The following DCTN1 variants were observed in gnomAD, a reference collection of about 807,000 sequenced individuals.
DCTN1 encodes 150 kDa dynein-associated polypeptide.
DCTN1 carries 61 observed loss-of-function variants against 161.2 expected under a neutral mutation model. The observed-to-expected ratio is 0.38, with a 90% CI of 0.31 to 0.47. The LOEUF is 0.47. Ranked by LOEUF, DCTN1 falls within the 20% of genes least tolerant of loss-of-function variation. The probability of loss-of-function intolerance (pLI) is 0.99; values close to 1 mark genes in which losing one functional copy is unlikely to be tolerated. For missense variants in DCTN1, 1,404 were observed against 1,623.7 expected (o/e 0.86, Z 2.33); for synonymous variants, 653 against 632.4 (o/e 1.03, Z -0.49).
At position 74,361,504 on chromosome 2, in the gene DCTN1, A is replaced by C. The variant is rs1216809770; in HGVS notation, c.3832T>G (p.Ser1278Ala). ...ACAGCAGGGGAAAGGAGTGCTTAGG[A>C]GATGAGGCGACTGTGAAGCTGGTGC... ...QLHQLHSRLIS is the reference protein window; with the variant it reads ...QLHQLHSRLIA The change falls in exon 32 of 32, where the codon TCC becomes GCC. Residue 1278 changes from serine to alanine, a missense_variant. By Grantham distance (99) the Ser-to-Ala change is moderately conservative (BLOSUM62 1). Coordinates refer to ENST00000628224, the MANE Select transcript of DCTN1 (RefSeq NM_004082.5). 6.2e-7 allele frequency: 1 copy of C among 1,614,106 alleles called. No homozygotes were observed. Among genetic ancestry groups the C allele is most frequent in the Non-Finnish European group, 8.5e-7 (1 of 1,180,004 alleles).
chr2:74,369,839 C>G lies in DCTN1; in HGVS notation c.1392+126G>C. Reference sequence around the variant, plus strand: ...CAGAAAAAAAAAAAAAAAAAAAAGGCAGGGTCAGGGTAGCAAGCCCAGGCT... The same window carrying G: ...CAGAAAAAAAAAAAAAAAAAAAAGGGAGGGTCAGGGTAGCAAGCCCAGGCT... On this transcript the variant is annotated intron_variant, in intron 13 of 31. Coordinates refer to ENST00000628224, the MANE Select transcript of DCTN1 (RefSeq NM_004082.5). The surrounding 1 kb of genome is among the most constrained non-coding windows in gnomAD (Gnocchi z 4.9). 1 of 793,916 alleles carries G rather than the reference C, an allele frequency of 1.3e-6. No homozygotes were observed. The highest frequency in any genetic ancestry group is 1.6e-5 in the South Asian group (1 of 61,388). 49.2% of individuals were successfully genotyped at this position (793,916 alleles called of 1,614,324 possible). A position where few individuals can be genotyped will look rare whatever the true frequency, so the allele number is the denominator to read the frequency against.
intron 21 of DCTN1, 73 bp downstream of exon 21, chr2:74,366,710 T>A (rs776373786): frequency 6.2e-7 from 1 of 1,614,192 alleles, no homozygotes. Flanking sequence ...CCTAACCAGA[T>A]CCAGATCTTC....
intron 4 of DCTN1, 138 bp downstream of exon 4, chr2:74,377,294 T>A: frequency 1.3e-6 from 1 of 783,400 alleles, no homozygotes. Flanking sequence ...CCAGAAAGCC[T>A]CCTTCTTAGG....
At chr2:74,363,989 T>G (rs1674216416) in intron 26 of DCTN1, 5 of 375,700 alleles carry the variant, frequency 1.3e-5, no homozygotes, top group African/African-American at 8.2e-5. Context: ...CCCCAATATG[T>G]CTGCACCCTT....
At chr2:74,372,587 T>C (rs1403903353) in intron 7 of DCTN1, among the ~76,000 whole-genome samples, 2 of 152,206 alleles carry the variant, frequency 1.3e-5, no homozygotes, top group Non-Finnish European at 2.9e-5. Flanking sequence ...CCTTATCCCC[T>C]GACATTTTAC....
chr2:74,371,836 GA>G, intron 7 of DCTN1, 108 bp from the exon 8 acceptor site: 1 of 885,590 alleles, frequency 1.1e-6, no homozygotes. Context: ...ACAGAAAAGG[GA>G]AAAAGCAGAA....
chr2:74,387,654 GTCTC>G (rs1214051905), intron 1 of DCTN1, among the ~76,000 whole-genome samples: 1 of 152,080 alleles, frequency 6.6e-6, no homozygotes, highest in African/African-American at 2.4e-5. Context: ...TGTTTCTCCA[GTCTC>G]TCTCAGATTC....
chr2:74,389,724 G>A (rs1675906749), intron 1 of DCTN1, among the ~76,000 whole-genome samples: 1 of 152,106 alleles, frequency 6.6e-6, no homozygotes, highest in South Asian at 2.1e-4. Flanking sequence ...CCTCTTTGGT[G>A]CATCATCTAC....
chr2:74,363,419 G>A lies in DCTN1; in HGVS notation c.3220C>T (p.Pro1074Ser). The A allele has an allele frequency of 6.2e-7, 1 of 1,612,352 alleles. No individual in the cohort carries two copies. Among genetic ancestry groups the A allele is most frequent in the Non-Finnish European group, 8.5e-7 (1 of 1,179,782 alleles). ...GGCACAGACCCTGGAGCCTGCCCAGGGATGGCTCCTGTGGGGACCATAAAA... is the reference window on the plus strand; with the variant it reads ...GGCACAGACCCTGGAGCCTGCCCAGAGATGGCTCCTGTGGGGACCATAAAA... The part of the protein sequence containing the change: ...AGEEQQRGAI[P>S]GQAPGSVPGP... The change falls in exon 28 of 32, where the codon CCT becomes TCT. Residue 1074 changes from proline (P) to serine (S), a missense_variant. Pro to Ser is a moderately conservative substitution (Grantham distance 74). Around this residue, in one of 9 missense-constraint regions of DCTN1, gnomAD observed 311 missense variants for 298.9 expected, o/e 1.04. Coordinates refer to ENST00000628224, the MANE Select transcript of DCTN1 (RefSeq NM_004082.5).
Position 74,363,190 on chromosome 2 carries a change from AAAG to A in DCTN1, c.3346-16_3346-14del, listed in dbSNP as rs898120660. Reference sequence around the variant, plus strand: ...TCATCTGGGCTCCCTGTGGATGAAAAAAGAAGGATAGTGGTAAGAGGTGCTAGG... The same window carrying A: ...TCATCTGGGCTCCCTGTGGATGAAAAAAGGATAGTGGTAAGAGGTGCTAGG... On this transcript the variant is annotated splice_polypyrimidine_tract_variant and intron_variant, in intron 28 of 31. Coordinates refer to ENST00000628224, the MANE Select transcript of DCTN1 (RefSeq NM_004082.5). 25 of 1,613,980 alleles carry A rather than the reference AAAG, an allele frequency of 1.5e-5. No homozygotes were observed. The highest frequency in any genetic ancestry group is 1.3e-4 in the African/African-American group (10 of 74,906).
intron 8 of DCTN1, 142 bp from the exon 9 acceptor site, chr2:74,371,318 A>G: frequency 6.4e-7 from 1 of 1,572,602 alleles, no homozygotes; most frequent in Non-Finnish European, 8.7e-7. Context: ...AGAACATCTG[A>G]GAGGAAACCG....
chr2:74,376,172 C>T (rs2103708828), intron 5 of DCTN1, among the ~76,000 whole-genome samples: 1 of 148,382 alleles, frequency 6.7e-6, no homozygotes. Context: ...GCCTCAGGCA[C>T]ACCACCAGAG....
rs759215223 is a variant in DCTN1 at position 74,366,453 on chromosome 2, G to A, written c.2628+6C>T. The A allele has an allele frequency of 1.9e-6, 3 of 1,614,066 alleles. No individual in the cohort carries two copies. The highest frequency in any genetic ancestry group is 2.5e-6 in the Non-Finnish European group (3 of 1,180,044). On this transcript the variant is annotated splice_donor_region_variant and intron_variant, in intron 22 of 31. Transcript: ENST00000628224. Reference sequence around the variant, plus strand: ...CCACACCTTCTACCCAGCCATCCAGGCCCACCTGCTCGCTTGCTTTGAAAG... The same window carrying A: ...CCACACCTTCTACCCAGCCATCCAGACCCACCTGCTCGCTTGCTTTGAAAG...
At position 74,366,504 on chromosome 2, in the gene DCTN1, T is replaced by C. The variant is rs2104415066; in HGVS notation, c.2583A>G (p.Leu861=). ...LIAPLAENEG[L]LVAALEELAF... ...CCAGTTCCTCCAGAGCAGCCACAAG[T>C]AGCCCCTCATTCTCTGCCAGTGGGG... Residue 861 remains leucine, a synonymous_variant, in exon 22 of 32, where the codon CTA becomes CTG. Transcript: ENST00000628224. 6.2e-7 allele frequency: 1 copy of C among 1,614,206 alleles called. No individual in the cohort carries two copies. Among genetic ancestry groups the C allele is most frequent in the Non-Finnish European group, 8.5e-7 (1 of 1,180,034 alleles).
rs370624168 is a variant in DCTN1, at chr2:74,371,691, C to T, written c.491G>A (p.Ser164Asn). 9 of 1,607,556 alleles carry T rather than the reference C, an allele frequency of 5.6e-6. No individual in the cohort carries two copies. Among genetic ancestry groups the T allele is most frequent in the Non-Finnish European group, 7.6e-6 (9 of 1,178,056 alleles). The change falls in exon 8 of 32, where the codon AGT becomes AAT. Residue 164 changes from serine (S) to asparagine (N), a missense_variant. By Grantham distance (46) the Ser-to-Asn change is conservative. This residue lies in a region of DCTN1 where 174 missense variants were observed against 175.6 expected (regional missense o/e 0.99). Transcript: ENST00000628224. The stretch of plus-strand genomic sequence containing the variant: ...TGAGCCAGAGGGGCCCAGGGAGCTA[C>T]TGGCCCCAGCCACCCCAGTACTGGC... ...RPASTGVAGASSSLGPSGSAS... is the reference protein window; with the variant it reads ...RPASTGVAGANSSLGPSGSAS...
chr2:74,364,721 GC>G lies in DCTN1; in HGVS notation c.3196+353del, dbSNP rs1426487555. 1.1e-5 allele frequency: 4 copies of G among 369,056 alleles called. No individual in the cohort carries two copies. In the Admixed American group the frequency reaches 1.6e-4, roughly 14 times the overall value. The allele number at this position is 369,056 out of a possible 1,614,324, so 22.9% of individuals were successfully genotyped here. A position where few individuals can be genotyped will look rare whatever the true frequency, so the allele number is the denominator to read the frequency against. ...GAGCAGGTATCGGGCAGGGCTGGAT[GC>G]CCCAGGAGAGTCAGCCCAGCCTGCT... is the stretch of plus-strand genomic sequence containing the variant. On this transcript the variant is annotated intron_variant, in intron 26 of 31. Transcript: ENST00000628224.
chr2:74,365,587 T>C lies in DCTN1; in HGVS notation c.2957A>G (p.Asp986Gly). Residue 986 changes from aspartate (D) to glycine (G), a missense_variant, in exon 25 of 32, where the codon GAT becomes GGT. Asp to Gly is a moderately conservative substitution (Grantham distance 94). This residue lies in a region of DCTN1 where 475 missense variants were observed against 489.8 expected (regional missense o/e 0.97). Transcript: ENST00000628224. ...GACTTTCTCGATGCGCTCATCTGCA[T>C]CCTTGGCAGCACTGTCCAACTTCTT... ...LEKKLDSAAK[D>G]ADERIEKVQT... 1 of 1,614,134 alleles carries C rather than the reference T, an allele frequency of 6.2e-7. No individual in the cohort carries two copies. The highest frequency in any genetic ancestry group is 8.5e-7 in the Non-Finnish European group (1 of 1,180,026).
In DCTN1 at chr2:74,371,593, G is replaced by C. The variant is rs1275232239; in HGVS notation, c.589C>G (p.Pro197Ala). Residue 197 changes from proline (P) to alanine (A), a missense_variant, in exon 8 of 32, where the codon CCC becomes GCC. Around this residue, in one of 9 missense-constraint regions of DCTN1, gnomAD observed 174 missense variants for 175.6 expected, o/e 0.99. Coordinates refer to ENST00000628224, the MANE Select transcript of DCTN1 (RefSeq NM_004082.5). Reference sequence around the variant, plus strand: ...CCAGGAGAGGTGAGGACCGGCGTGGGGATGATGGGTGCTGCCAGCGGAGTC... The same window carrying C: ...CCAGGAGAGGTGAGGACCGGCGTGGCGATGATGGGTGCTGCCAGCGGAGTC... ...AQTPLAAPII[P>A]TPVLTSPGAV... 1.3e-6 allele frequency: 2 copies of C among 1,588,882 alleles called. No individual in the cohort carries two copies. Among genetic ancestry groups the C allele is most frequent in the African/African-American group, 1.3e-5 (1 of 74,704 alleles).
Position 74,370,399 on chromosome 2 carries a change from C to A in DCTN1, c.1128-54G>T, listed in dbSNP as rs151278493. On this transcript the variant is annotated intron_variant, in intron 11 of 31. Coordinates refer to ENST00000628224, the MANE Select transcript of DCTN1 (RefSeq NM_004082.5). The surrounding 1 kb of genome is among the most constrained non-coding windows in gnomAD (Gnocchi z 4.4). The stretch of plus-strand genomic sequence containing the variant: ...GGAAAGCACGTGTCAGAGTCTCTGG[C>A]GATGGGTGCTCTAACACATTTGGAG... The A allele has an allele frequency of 1.6e-4, 266 of 1,614,004 alleles. 1 individual carries two copies. The African/African-American group carries it at 2.5e-3, about 15-fold the overall frequency.
Sources: gnomAD v4.1 joint callset for allele counts (sites outside exome capture counted in the v4.1 genomes callset) on GRCh38, gnomAD v4.1.1 for gene constraint, gnomAD v4.1.1 regional missense constraint, Gnocchi (gnomAD v3.1) non-coding constraint, MANE v1.5 for transcripts, NCBI Gene and HGNC (gene_info 2026-07-23, HGNC 2026-07-21) for gene names.